Variants in PKIB observed in about 807,000 individuals in gnomAD.
The protein encoded by PKIB is PKI-beta.
In PKIB, 2 loss-of-function variants were observed where a neutral mutation model predicts 4.5. That is an observed-to-expected ratio of 0.44 (90% CI 0.18 to 1.39). The LOEUF (loss-of-function observed/expected upper bound fraction) is 1.39, where lower values mean the gene tolerates loss of function less well. Among genes scored for constraint, PKIB ranks in the 40% most tolerant of loss-of-function variants. The pLI, the probability that PKIB is intolerant of heterozygous loss-of-function variation, is 0.27. For synonymous variants in PKIB, 38 were observed against 36.0 expected, an observed-to-expected ratio of 1.06 and a Z score of -0.20; for missense variants, 94 against 92.6, an observed-to-expected ratio of 1.02 and a Z score of -0.06.
Position 122,523,785 on chromosome 6 carries a change from GA to G in PKIB, c.-248+45858del, listed in dbSNP as rs764182434. Reference sequence around the variant, plus strand: ...GCAACACAGTGAAACTCGGTATCAAGAAAAAAAAAAAAGGATGTTCCCCTGC... The same window carrying G: ...GCAACACAGTGAAACTCGGTATCAAGAAAAAAAAAAAGGATGTTCCCCTGC... On this transcript the variant is annotated intron_variant, in intron 2 of 6. Coordinates refer to the PKIB transcript ENST00000392491. 8.1e-4 allele frequency among the ~76,000 whole-genome samples: 113 copies of G among 138,726 alleles called. 1 individual carries two copies. Among genetic ancestry groups the G allele is most frequent in the South Asian group, 9.1e-4 (4 of 4,392 alleles). The allele number at this position is 138,726 out of a possible 152,430, so 91.0% of individuals were successfully genotyped here. A position where few individuals can be genotyped will look rare whatever the true frequency, so the allele number is the denominator to read the frequency against.
At chr6:122,554,045 A>C (rs1041795451) in intron 2 of PKIB, among the ~76,000 whole-genome samples, 9 of 152,364 alleles carry the variant, frequency 5.9e-5, no homozygotes, top group African/African-American at 2.2e-4. Flanking sequence ...GGTACAGCTG[A>C]GAATTTATAG....
At chr6:122,673,188 T>C (rs962208960) in intron 2 of PKIB, among the ~76,000 whole-genome samples, 2 of 151,820 alleles carry the variant, frequency 1.3e-5, no homozygotes, top group Admixed American at 6.6e-5. Flanking sequence ...AAATTAATCA[T>C]GGAAAGGTTA....
rs540737644 is a variant in PKIB, at chr6:122,613,990, T to C, written c.-161+3455T>C. On this transcript the variant is annotated intron_variant, in intron 1 of 4. Coordinates refer to ENST00000368452, the MANE Select transcript of PKIB (RefSeq NM_181795.3). ...AAAAAAAAAAAAAAAAGAATTACAG[T>C]TGATTTTGAGAAATCAAATGGATAT... is the stretch of plus-strand genomic sequence containing the variant. 6.7e-5 allele frequency among the ~76,000 whole-genome samples: 10 copies of C among 148,496 alleles called. No individual in the cohort carries two copies. In the East Asian group the frequency reaches 1.8e-3, roughly 26 times the overall value.
At position 122,630,753 on chromosome 6, in the gene PKIB, G is replaced by A. The variant is rs569944504; in HGVS notation, c.-160-2530G>A. ...CAGCCTGATAAAATCGGTACTGCAC[G>A]GATATGCTATATCTGTTTCTTTTCA... On this transcript the variant is annotated intron_variant, in intron 1 of 4. Transcript: ENST00000368452. Among the ~76,000 whole-genome samples the A allele has an allele frequency of 2.8e-4, 43 of 152,166 alleles. 1 individual carries two copies. The highest frequency in any genetic ancestry group is 8.3e-4 in the South Asian group (4 of 4,810).
chr6:122,587,553 G>T (rs973410041), intron 3 of PKIB, among the ~76,000 whole-genome samples: 24 of 152,234 alleles, frequency 1.6e-4, no homozygotes, highest in Middle Eastern at 3.4e-3. Flanking sequence ...GTAATGGGAT[G>T]GCTGGGTCGA....
chr6:122,490,629 G>C (rs1203149260), intron 2 of PKIB, among the ~76,000 whole-genome samples: 1 of 151,972 alleles, frequency 6.6e-6, no homozygotes, highest in Non-Finnish European at 1.5e-5. Flanking sequence ...TCATCATGTG[G>C]CATATTGGCT....
At chr6:122,644,114 T>A (rs1489962791) in intron 2 of PKIB, 1 of 150,568 alleles carries the variant, frequency 6.6e-6, no homozygotes, top group Non-Finnish European at 1.5e-5. Flanking sequence ...TTAAAATTAT[T>A]CTATATGTTA....
intron 2 of PKIB, among the ~76,000 whole-genome samples, chr6:122,508,274 A>G (rs998417835): frequency 1.3e-5 from 2 of 152,228 alleles, no homozygotes; most frequent in African/African-American, 2.4e-5. Flanking sequence ...TCGCATGGAC[A>G]TAAGAAAGTT....
chr6:122,677,838 CT>C (rs1238685052), intron 3 of PKIB, among the ~76,000 whole-genome samples: 8 of 146,448 alleles, frequency 5.5e-5, no homozygotes, highest in Non-Finnish European at 9.0e-5. Context: ...AACCAGCTTT[CT>C]TTTCTTCCTT....
intron 2 of PKIB, among the ~76,000 whole-genome samples, chr6:122,520,916 T>C (rs1025332430): frequency 2.0e-5 from 3 of 152,200 alleles, no homozygotes; most frequent in Non-Finnish European, 4.4e-5. Flanking sequence ...GCATTTTCCC[T>C]GCAAAAAGTT....
chr6:122,514,196 G>T (rs1185840951), intron 2 of PKIB, among the ~76,000 whole-genome samples: 1 of 151,740 alleles, frequency 6.6e-6, no homozygotes, highest in East Asian at 1.9e-4. Context: ...GCCTTTTTTT[G>T]GCTTTGGCCA....
chr6:122,485,810 CTG>C (rs928626157), intron 2 of PKIB, among the ~76,000 whole-genome samples: 1 of 152,180 alleles, frequency 6.6e-6, no homozygotes, highest in African/African-American at 2.4e-5. Flanking sequence ...TTAGCAGTGA[CTG>C]TGCTTTGGTA....
At chr6:122,493,126 C>G (rs1219006018) in intron 2 of PKIB, 1 of 152,172 alleles carries the variant, frequency 6.6e-6, no homozygotes, top group Non-Finnish European at 1.5e-5. Flanking sequence ...AAAGAAATCC[C>G]TTTGAACTGT....
chr6:122,521,386 A>G (rs994731010), intron 2 of PKIB, among the ~76,000 whole-genome samples: 2 of 152,174 alleles, frequency 1.3e-5, no homozygotes, highest in South Asian at 4.1e-4. Flanking sequence ...TAGAATAAGA[A>G]GATGACATTT....
Position 122,706,321 on chromosome 6 carries a change from T to C in PKIB, c.-8-11466T>C, listed in dbSNP as rs547100966. Among the ~76,000 whole-genome samples the C allele has an allele frequency of 3.3e-5, 5 of 152,354 alleles. No individual in the cohort carries two copies. The South Asian group carries it at 1.0e-3, about 32-fold the overall frequency. On this transcript the variant is annotated intron_variant, in intron 3 of 4. Transcript: ENST00000368452. ...TTCTATTTTTACATTTCCTTTAATA[T>C]GCAACATATTCCATCTGTACGATGA... is the stretch of plus-strand genomic sequence containing the variant.
Position 122,602,950 on chromosome 6 carries a change from C to T in PKIB, c.-161+16943C>T, listed in dbSNP as rs555993882. On this transcript the variant is annotated intron_variant, in intron 3 of 6. Transcript: ENST00000392491. ...CAGCCTGGGTGACAGGGCAAGACTG[C>T]GTCTCAAAAAAAAAAAAAAAAAAAA... is the stretch of plus-strand genomic sequence containing the variant. 1.1e-3 allele frequency among the ~76,000 whole-genome samples: 102 copies of T among 95,554 alleles called. 1 individual carries two copies. Among genetic ancestry groups the T allele is most frequent in the East Asian group, 6.5e-3 (21 of 3,216 alleles). The allele number at this position is 95,554 out of a possible 152,430, so 62.7% of individuals were successfully genotyped here.
intron 2 of PKIB, among the ~76,000 whole-genome samples, chr6:122,672,832 T>C (rs1182177615): frequency 6.6e-6 from 1 of 151,858 alleles, no homozygotes; most frequent in East Asian, 1.9e-4. Context: ...AAAAATTATT[T>C]TTATATTTGT....
chr6:122,596,188 C>T (rs991408567), intron 3 of PKIB, among the ~76,000 whole-genome samples: 3 of 152,190 alleles, frequency 2.0e-5, no homozygotes, highest in Non-Finnish European at 2.9e-5. Context: ...CACTGTCCTT[C>T]AGGGATGTCC....
rs183004008 is a variant in PKIB at position 122,545,450 on chromosome 6, G to A, written c.-247-40471G>A. On this transcript the variant is annotated intron_variant, in intron 2 of 6. Coordinates refer to the PKIB transcript ENST00000392491. ...GGGAGCTAAACACTGAGTACACATG[G>A]ACACAAAGGTTCAAGGGGTACATGT... Among the ~76,000 whole-genome samples the A allele has an allele frequency of 9.9e-5, 15 of 151,914 alleles. No homozygotes were observed. In the East Asian group the frequency reaches 3.0e-3, roughly 30 times the overall value.
Sources: allele counts gnomAD v4.1 joint callset (sites outside exome capture counted in the v4.1 genomes callset), GRCh38; gene constraint gnomAD v4.1.1; transcripts MANE v1.5; gene names NCBI Gene and HGNC (gene_info 2026-07-23, HGNC 2026-07-21).